Variants in DYNC1I1 observed in about 807,000 individuals in gnomAD.
DYNC1I1 encodes the protein dynein cytoplasmic 1 intermediate chain 1, also known as cytoplasmic dynein 1 intermediate chain 1.
A neutral mutation model predicts 86.6 loss-of-function variants in DYNC1I1; 43 were observed. That is an observed-to-expected ratio of 0.50 (90% CI 0.39 to 0.64). DYNC1I1 has a LOEUF of 0.64. DYNC1I1 is among the 30% of genes least tolerant of loss of function. The probability of loss-of-function intolerance (pLI) is 0.00; values close to 1 mark genes in which losing one functional copy is unlikely to be tolerated. For missense variants in DYNC1I1, 604 were observed against 788.8 expected (o/e 0.77, Z 2.81); for synonymous variants, 262 against 283.7 (o/e 0.92, Z 0.77).
At chr7:95,927,226 C>T (rs4729225) in intron 6 of DYNC1I1, among the ~76,000 whole-genome samples, 90,957 of 151,926 alleles carry the variant, frequency 0.6, 27,515 homozygotes, top group African/African-American at 0.66. Context: ...ACCATTTATA[C>T]TAGCCCTAAT....
chr7:95,785,773 G>GTGTATGTATA (rs1554382738), intron 1 of DYNC1I1, among the ~76,000 whole-genome samples: 1 of 56,438 alleles, frequency 1.8e-5, no homozygotes, highest in Non-Finnish European at 3.6e-5. Context: ...ATGTGTGTAT[G>GTGTATGTATA]TGTATATATA....
At chr7:96,099,294 G>A (rs1244446611), downstream of DYNC1I1, among the ~76,000 whole-genome samples, 1 of 152,152 alleles carries the variant, frequency 6.6e-6, no homozygotes, top group South Asian at 2.1e-4. Flanking sequence ...GTGGTAGCTG[G>A]TCTCCAAGGC....
rs552557684 is a variant in DYNC1I1 at position 95,946,244 on chromosome 7, C to T, written c.491-31268C>T. Among the ~76,000 whole-genome samples, 5 of 151,950 alleles carry T rather than the reference C, an allele frequency of 3.3e-5. No individual in the cohort carries two copies. In the East Asian group the frequency reaches 5.8e-4, roughly 18 times the overall value. On this transcript the variant is annotated intron_variant, in intron 6 of 16. Transcript: ENST00000447467. ...TGGTTTGATAGGTGCAGCAAACCAC[C>T]GTGACACGATTACCTATGTCACAAA... is the stretch of plus-strand genomic sequence containing the variant.
chr7:95,863,191 A>C (rs1789933697), intron 5 of DYNC1I1, among the ~76,000 whole-genome samples: 1 of 152,258 alleles, frequency 6.6e-6, no homozygotes, highest in Admixed American at 6.5e-5. Flanking sequence ...ATCAATAGAA[A>C]GAATGACATA....
chr7:96,082,596 CTTTAT>C (rs1459192303), intron 16 of DYNC1I1, among the ~76,000 whole-genome samples: 2 of 151,976 alleles, frequency 1.3e-5, no homozygotes, highest in Non-Finnish European at 2.9e-5. Context: ...TTTGGAAAGT[CTTTAT>C]TTTGACTTAA....
chr7:95,886,199 G>A (rs1217908375), intron 6 of DYNC1I1, among the ~76,000 whole-genome samples: 1 of 152,194 alleles, frequency 6.6e-6, no homozygotes, highest in Non-Finnish European at 1.5e-5. Context: ...ACTTTGGGAG[G>A]CCGAGGCAGG....
At chr7:95,980,718 G>C (rs1004259894) in intron 7 of DYNC1I1, among the ~76,000 whole-genome samples, 3 of 151,884 alleles carry the variant, frequency 2.0e-5, no homozygotes, top group South Asian at 2.1e-4. Context: ...TTCTGCCATA[G>C]AGTAGGAAAA....
chr7:95,997,583 TTGTG>T (rs34117329), intron 10 of DYNC1I1, among the ~76,000 whole-genome samples: 2,872 of 142,776 alleles, frequency 0.02, 64 homozygotes, highest in African/African-American at 0.057. Flanking sequence ...AAGGGCATTC[TTGTG>T]TGTGTGTGTG....
At chr7:95,940,870 G>A (rs889677912) in intron 6 of DYNC1I1, among the ~76,000 whole-genome samples, 3 of 152,168 alleles carry the variant, frequency 2.0e-5, no homozygotes, top group African/African-American at 7.2e-5. Context: ...AGGAGGAGAG[G>A]CACTCGCTTT....
intron 1 of DYNC1I1, among the ~76,000 whole-genome samples, chr7:95,776,803 G>A (rs1304893612): frequency 6.6e-6 from 1 of 152,174 alleles, no homozygotes; most frequent in Non-Finnish European, 1.5e-5. Context: ...GTCCTAGCTT[G>A]GCTTGTCATT....
chr7:96,098,940 T>A (rs1447014153), downstream of DYNC1I1, among the ~76,000 whole-genome samples: 1 of 152,244 alleles, frequency 6.6e-6, no homozygotes, highest in African/African-American at 2.4e-5. Flanking sequence ...TAGGGATTCC[T>A]TCAACTGTAC....
At chr7:95,986,929 T>G in intron 8 of DYNC1I1, 127 bp from the exon 9 acceptor site, 1 of 760,860 alleles carries the variant, frequency 1.3e-6, no homozygotes. Context: ...GATCAGGGTA[T>G]GTAGTCTAGA....
intron 6 of DYNC1I1, among the ~76,000 whole-genome samples, chr7:95,940,833 T>C (rs1792191459): frequency 6.6e-6 from 1 of 152,246 alleles, no homozygotes; most frequent in South Asian, 2.1e-4. Flanking sequence ...TTTGTTCCGT[T>C]GCTGGTGAGG....
intron 14 of DYNC1I1, among the ~76,000 whole-genome samples, chr7:96,064,210 A>ATCTCTC (rs10557179): frequency 4.3e-3 from 608 of 141,000 alleles, no homozygotes; most frequent in South Asian, 0.013. Context: ...AAATATTCAT[A>ATCTCTC]TCTCTCTCTC....
intron 6 of DYNC1I1, among the ~76,000 whole-genome samples, chr7:95,965,422 G>T (rs150652659): frequency 6.6e-6 from 1 of 152,276 alleles, no homozygotes; most frequent in East Asian, 1.9e-4. Flanking sequence ...TTGTAATTTA[G>T]TAGTTGTCTG....
At chr7:95,920,500 C>T (rs577658656) in intron 6 of DYNC1I1, among the ~76,000 whole-genome samples, 4 of 152,142 alleles carry the variant, frequency 2.6e-5, no homozygotes, top group Non-Finnish European at 4.4e-5. Flanking sequence ...CTAGAGTGTC[C>T]GTATTGGTTG....
At chr7:95,876,556 A>G (rs1790314092) in intron 6 of DYNC1I1, among the ~76,000 whole-genome samples, 1 of 152,170 alleles carries the variant, frequency 6.6e-6, no homozygotes, top group African/African-American at 2.4e-5. Context: ...TGCCCTAGGT[A>G]CACTAGGGTG....
chr7:95,990,052 G>T (rs1344625808), intron 9 of DYNC1I1, among the ~76,000 whole-genome samples: 1 of 152,144 alleles, frequency 6.6e-6, no homozygotes, highest in Non-Finnish European at 1.5e-5. Context: ...GAAAAAGAAA[G>T]AAATTATAAG....
rs148589990 is a variant in DYNC1I1, at chr7:96,007,742, T to G, written c.969+11669T>G. Among the ~76,000 whole-genome samples the G allele has an allele frequency of 3.3e-3, 497 of 152,292 alleles. 2 individuals are homozygous for G. The highest frequency in any genetic ancestry group is 0.011 in the African/African-American group (466 of 41,558). ...GCATTTTTAAAAGAAGGCTAATGGA[T>G]TTTTACTGCCTAGTTCACACATATC... is the stretch of plus-strand genomic sequence containing the variant. On this transcript the variant is annotated intron_variant, in intron 10 of 16. Transcript: ENST00000447467.
Sources: allele counts gnomAD v4.1 joint callset (sites outside exome capture counted in the v4.1 genomes callset), GRCh38; gene constraint gnomAD v4.1.1; transcripts MANE v1.5; gene names NCBI Gene and HGNC (gene_info 2026-07-23, HGNC 2026-07-21).